CNTNAP2: variants seen among roughly 807,000 people sequenced by gnomAD.
CNTNAP2 encodes contactin associated protein 2.
In CNTNAP2, 98 loss-of-function variants were observed where a neutral mutation model predicts 155.2. The observed-to-expected ratio is 0.63, with a 90% CI of 0.54 to 0.75. The LOEUF is 0.75. Ranked by LOEUF, CNTNAP2 falls within the 30% of genes least tolerant of loss-of-function variation. The pLI, the probability that CNTNAP2 is intolerant of heterozygous loss-of-function variation, is 0.00. For missense variants in CNTNAP2, 1,727 were observed against 1,688.1 expected (o/e 1.02, Z -0.40); for synonymous variants, 651 against 631.2 (o/e 1.03, Z -0.47).
chr7:147,080,164 C>G (rs1289374438), intron 4 of CNTNAP2, among the ~76,000 whole-genome samples: 1 of 152,138 alleles, frequency 6.6e-6, no homozygotes, highest in African/African-American at 2.4e-5. Context: ...TTGCTATAAA[C>G]TTGATCCTTT....
chr7:146,434,391 A>G (rs774103481), intron 1 of CNTNAP2, among the ~76,000 whole-genome samples: 90 of 152,306 alleles, frequency 5.9e-4, no homozygotes, highest in Non-Finnish European at 1.2e-3. Context: ...GCATGTTGTC[A>G]GGGGACTCTC....
rs560796806 is a variant in CNTNAP2 at position 146,818,429 on chromosome 7, AT to A, written c.209-21276del. ...TTGCATACTCCTTTCTGTTTAGCATATTTTTTCCATGTCTCTCCATGAAATA... is the reference window on the plus strand; with the variant it reads ...TTGCATACTCCTTTCTGTTTAGCATATTTTTCCATGTCTCTCCATGAAATA... On this transcript the variant is annotated intron_variant, in intron 2 of 23. Coordinates refer to ENST00000361727, the MANE Select transcript of CNTNAP2 (RefSeq NM_014141.6). 1.6e-3 allele frequency among the ~76,000 whole-genome samples: 251 copies of A among 152,236 alleles called. 1 individual carries two copies. Among genetic ancestry groups the A allele is most frequent in the African/African-American group, 5.8e-3 (243 of 41,554 alleles).
chr7:147,337,131 T>C (rs1359625063), intron 9 of CNTNAP2, among the ~76,000 whole-genome samples: 1 of 152,192 alleles, frequency 6.6e-6, no homozygotes, highest in Non-Finnish European at 1.5e-5. Context: ...TCAAGAGTGA[T>C]AAAATATTTA....
intron 1 of CNTNAP2, among the ~76,000 whole-genome samples, chr7:146,447,291 G>A (rs1796415967): frequency 6.6e-6 from 1 of 152,006 alleles, no homozygotes; most frequent in African/African-American, 2.4e-5. Context: ...AAAGAAAGGA[G>A]CTAATTTATT....
chr7:148,162,209 T>A (rs1027569485), intron 17 of CNTNAP2, among the ~76,000 whole-genome samples: 1 of 152,164 alleles, frequency 6.6e-6, no homozygotes, highest in Non-Finnish European at 1.5e-5. Context: ...AGGATGCTTA[T>A]TTTACTTCAA....
intron 1 of CNTNAP2, among the ~76,000 whole-genome samples, chr7:146,721,279 A>ATATTCTATATG (rs1293129219): frequency 1.5e-5 from 2 of 131,448 alleles, no homozygotes; most frequent in Non-Finnish European, 3.1e-5. Flanking sequence ...TATTCTATAT[A>ATATTCTATATG]TATTCTATAT....
intron 1 of CNTNAP2, among the ~76,000 whole-genome samples, chr7:146,277,877 C>T (rs1406182062): frequency 6.6e-6 from 1 of 151,970 alleles, no homozygotes; most frequent in African/African-American, 2.4e-5. Flanking sequence ...GGAGTGGGTA[C>T]TTTTCAACTG....
At chr7:148,209,236 C>T (rs1401822544) in intron 18 of CNTNAP2, among the ~76,000 whole-genome samples, 1 of 152,056 alleles carries the variant, frequency 6.6e-6, no homozygotes, top group Admixed American at 6.5e-5. Context: ...AATGATCCTC[C>T]CGCCTCAGTA....
chr7:147,250,426 T>C (rs1804171936), intron 8 of CNTNAP2, among the ~76,000 whole-genome samples: 1 of 152,208 alleles, frequency 6.6e-6, no homozygotes, highest in Non-Finnish European at 1.5e-5. Flanking sequence ...GAAGTGGCTC[T>C]TCAGCGTGAG....
At chr7:147,554,186 C>A (rs776116056) in intron 11 of CNTNAP2, among the ~76,000 whole-genome samples, 10 of 151,976 alleles carry the variant, frequency 6.6e-5, no homozygotes, top group Admixed American at 6.6e-4. Context: ...CTAATAGTAA[C>A]CCTGAATAAA....
chr7:147,367,089 T>A (rs1001557368), intron 9 of CNTNAP2, among the ~76,000 whole-genome samples: 6 of 152,186 alleles, frequency 3.9e-5, no homozygotes, highest in African/African-American at 1.4e-4. Flanking sequence ...ACCCGGTGTA[T>A]ACAAAAAGCA....
chr7:147,407,257 A>G (rs1450867161), intron 10 of CNTNAP2, among the ~76,000 whole-genome samples: 1 of 152,042 alleles, frequency 6.6e-6, no homozygotes, highest in Non-Finnish European at 1.5e-5. Flanking sequence ...TCACGAGGTC[A>G]GGAGATCGAG....
chr7:148,271,720 T>C (rs1796784494), intron 21 of CNTNAP2, among the ~76,000 whole-genome samples: 1 of 152,186 alleles, frequency 6.6e-6, no homozygotes, highest in South Asian at 2.1e-4. Context: ...TTCAAGCCAA[T>C]ACTCCTTTGA....
At chr7:147,953,058 A>G (rs1000794607) in intron 14 of CNTNAP2, among the ~76,000 whole-genome samples, 1 of 152,192 alleles carries the variant, frequency 6.6e-6, no homozygotes, top group Non-Finnish European at 1.5e-5. Context: ...ACATTGTTAC[A>G]TTGTTTTCAA....
rs71527791 is a variant in CNTNAP2, at chr7:146,231,015, AAAATAAAT to A, written c.97+114062_97+114069del. 1.1e-4 allele frequency among the ~76,000 whole-genome samples: 9 copies of A among 80,706 alleles called. No homozygotes were observed. The East Asian group carries it at 5.0e-3, about 45-fold the overall frequency. 52.9% of individuals were successfully genotyped at this position (80,706 alleles called of 152,430 possible). On this transcript the variant is annotated intron_variant, in intron 1 of 23. Transcript: ENST00000361727. ...GGGCAACAGAGCGAGACTTTGTCTC[AAAATAAAT>A]AAATAAATAAATAAATAAAAAGTTA...
intron 2 of CNTNAP2, among the ~76,000 whole-genome samples, chr7:146,813,574 C>A (rs1803109061): frequency 1.3e-5 from 2 of 152,124 alleles, no homozygotes. Context: ...TTTGATTTTA[C>A]AGGCTTATAG....
At chr7:148,285,130 T>C (rs967510713) in intron 21 of CNTNAP2, among the ~76,000 whole-genome samples, 5 of 152,248 alleles carry the variant, frequency 3.3e-5, no homozygotes, top group African/African-American at 1.2e-4. Context: ...GACTGTTATG[T>C]TTTTTGGCAG....
intron 15 of CNTNAP2, among the ~76,000 whole-genome samples, chr7:147,984,812 C>G (rs1455628720): frequency 6.6e-6 from 1 of 152,098 alleles, no homozygotes; most frequent in Non-Finnish European, 1.5e-5. Context: ...TTCACTTTCA[C>G]TGTCAAAAGG....
chr7:147,263,377 T>TA (rs11377306), intron 8 of CNTNAP2, among the ~76,000 whole-genome samples: 81,812 of 148,402 alleles, frequency 0.55, 23,067 homozygotes, highest in East Asian at 0.79. Flanking sequence ...AAATAAAAAT[T>TA]AAAAAAAAAA....
Sources: allele counts gnomAD v4.1 joint callset (sites outside exome capture counted in the v4.1 genomes callset), GRCh38; gene constraint gnomAD v4.1.1; transcripts MANE v1.5; gene names NCBI Gene and HGNC (gene_info 2026-07-23, HGNC 2026-07-21).